Variants in PIK3C2G observed in about 807,000 individuals in gnomAD.
PIK3C2G encodes the protein phosphatidylinositol 3-kinase C2 domain-containing subunit gamma.
In PIK3C2G, 168 loss-of-function variants were observed where a neutral mutation model predicts 181.1. That is an observed-to-expected ratio of 0.93 (90% CI 0.82 to 1.05). The LOEUF (loss-of-function observed/expected upper bound fraction) is 1.05, where lower values mean the gene tolerates loss of function less well. Ranked by LOEUF, PIK3C2G falls within the 50% of genes least tolerant of loss-of-function variation. PIK3C2G has a pLI of 0.00. For missense variants in PIK3C2G, 1,869 were observed against 1,732.8 expected, an observed-to-expected ratio of 1.08 and a Z score of -1.40; for synonymous variants, 573 against 592.2, an observed-to-expected ratio of 0.97 and a Z score of 0.47.
intron 30 of PIK3C2G, among the ~76,000 whole-genome samples, chr12:18,597,549 G>C (rs1465529552): frequency 6.6e-6 from 1 of 152,050 alleles, no homozygotes; most frequent in East Asian, 1.9e-4. Context: ...GAACAAAAAT[G>C]CAAATCATAA....
At chr12:18,456,700 C>G (rs1947648525) in intron 18 of PIK3C2G, among the ~76,000 whole-genome samples, 1 of 152,136 alleles carries the variant, frequency 6.6e-6, no homozygotes, top group South Asian at 2.1e-4. Flanking sequence ...TAACCTTTTC[C>G]TATTGGCACA....
chr12:18,696,073 C>A, the PIK3C2G span: 3 of 809,496 alleles, frequency 3.7e-6, no homozygotes, highest in South Asian at 3.0e-5. Flanking sequence ...GCCCTTTTCA[C>A]GAGTTTTTCA....
At chr12:18,572,637 G>A (rs911481985) in intron 29 of PIK3C2G, among the ~76,000 whole-genome samples, 16 of 151,800 alleles carry the variant, frequency 1.1e-4, no homozygotes, top group African/African-American at 3.9e-4. Context: ...ATCAGTTTTG[G>A]AAAGTTTTCA....
At chr12:18,297,133 C>T (rs1949973821) in intron 5 of PIK3C2G, among the ~76,000 whole-genome samples, 1 of 151,952 alleles carries the variant, frequency 6.6e-6, no homozygotes, top group Non-Finnish European at 1.5e-5. Flanking sequence ...GAAAATGAAA[C>T]TATTTCCTAG....
chr12:18,681,540 T>C, the PIK3C2G span, among the ~76,000 whole-genome samples: 1 of 152,080 alleles, frequency 6.6e-6, no homozygotes, highest in Non-Finnish European at 1.5e-5. Flanking sequence ...TAATAGTTCT[T>C]GTGAGAAAAT....
chr12:18,360,270 C>T (rs537068502), intron 11 of PIK3C2G, among the ~76,000 whole-genome samples: 1 of 152,182 alleles, frequency 6.6e-6, no homozygotes, highest in East Asian at 1.9e-4. Flanking sequence ...AAACTCTGTA[C>T]TTCTATTTCT....
At chr12:18,626,140 G>T (rs530646593) in intron 31 of PIK3C2G, among the ~76,000 whole-genome samples, 12 of 151,470 alleles carry the variant, frequency 7.9e-5, no homozygotes, top group African/African-American at 2.7e-4. Context: ...TGGATTGATG[G>T]TTTTCTGTAG....
chr12:18,553,417 G>T (rs543399433), intron 26 of PIK3C2G, among the ~76,000 whole-genome samples: 2 of 152,010 alleles, frequency 1.3e-5, no homozygotes, highest in Non-Finnish European at 2.9e-5. Flanking sequence ...GATTCAGTTT[G>T]TTCTGATTTG....
chr12:18,693,916 G>C, the PIK3C2G span: 1 of 1,527,314 alleles, frequency 6.5e-7, no homozygotes, highest in Non-Finnish European at 9.1e-7. Flanking sequence ...ATGTAACCCT[G>C]CACGACTTGA....
chr12:18,650,702 GTGTATATATCTATATA>G (rs1950443590), downstream of PIK3C2G, among the ~76,000 whole-genome samples: 26 of 27,694 alleles, frequency 9.4e-4, 1 homozygote, highest in South Asian at 4.8e-3. Flanking sequence ...GTGTGTGTGT[GTGTATATATCTATATA>G]TATATATATA....
chr12:18,302,578 T>C (rs974858332), intron 5 of PIK3C2G, among the ~76,000 whole-genome samples: 2 of 152,160 alleles, frequency 1.3e-5, no homozygotes, highest in Non-Finnish European at 2.9e-5. Flanking sequence ...GGTGTTCATG[T>C]GCACCAGTAG....
the PIK3C2G span, among the ~76,000 whole-genome samples, chr12:18,672,998 T>C: frequency 6.6e-6 from 1 of 152,092 alleles, no homozygotes; most frequent in East Asian, 1.9e-4. Flanking sequence ...GATTGGTACA[T>C]GACACAAAAG....
At chr12:18,693,216 G>A in the PIK3C2G span, 5 of 1,572,234 alleles carry the variant, frequency 3.2e-6, no homozygotes, top group African/African-American at 6.8e-5. Context: ...TCTGGAACCT[G>A]GCTGCTCGGT....
At chr12:18,629,348 C>T (rs1254470271) in intron 31 of PIK3C2G, among the ~76,000 whole-genome samples, 1 of 152,162 alleles carries the variant, frequency 6.6e-6, no homozygotes, top group Non-Finnish European at 1.5e-5. Context: ...GTCAGGTCAT[C>T]ATCAGCTCCT....
chr12:18,712,845 G>A, the PIK3C2G span: 2 of 1,613,614 alleles, frequency 1.2e-6, no homozygotes, highest in Non-Finnish European at 1.7e-6. Flanking sequence ...TACATACCAT[G>A]AATGCATACT....
intron 31 of PIK3C2G, among the ~76,000 whole-genome samples, chr12:18,632,433 CACCAGAAAAACAGAACCAATA>C (rs1166783127): frequency 1.3e-5 from 2 of 152,002 alleles, no homozygotes; most frequent in African/African-American, 4.8e-5. Flanking sequence ...TATTAGGGTT[CACCAGAAAAACAGAACCAATA>C]ATAAGTATAG....
intron 13 of PIK3C2G, among the ~76,000 whole-genome samples, chr12:18,371,768 C>A (rs1452287053): frequency 1.3e-5 from 2 of 152,032 alleles, no homozygotes; most frequent in Admixed American, 6.6e-5. Flanking sequence ...AAAACTAGGT[C>A]AATTATAAGT....
At chr12:18,575,734 G>T (rs1565524241) in intron 29 of PIK3C2G, among the ~76,000 whole-genome samples, 1 of 152,150 alleles carries the variant, frequency 6.6e-6, no homozygotes, top group African/African-American at 2.4e-5. Context: ...GTCGTGCTAG[G>T]CAAAGAGAAC....
At chr12:18,438,777 A>T (rs939975039) in intron 18 of PIK3C2G, among the ~76,000 whole-genome samples, 6 of 152,034 alleles carry the variant, frequency 3.9e-5, no homozygotes, top group African/African-American at 1.2e-4. Context: ...ATTTCAACTC[A>T]GGCCTCTCCT....
Sources: allele counts gnomAD v4.1 joint callset (sites outside exome capture counted in the v4.1 genomes callset), GRCh38; gene constraint gnomAD v4.1.1; transcripts MANE v1.5; gene names NCBI Gene and HGNC (gene_info 2026-07-23, HGNC 2026-07-21).